The following POLR1C variants were observed in gnomAD, a reference collection of about 807,000 sequenced individuals.
The protein encoded by POLR1C is RNA polymerase I and III subunit C, also known as DNA-directed RNA polymerases I and III subunit RPAC1.
Under a neutral mutation model 38.3 loss-of-function variants are expected in POLR1C, and 42 were observed. That is an observed-to-expected ratio of 1.10 (90% CI 0.86 to 1.42). The LOEUF is 1.42. Among genes scored for constraint, POLR1C ranks in the 40% most tolerant of loss-of-function variants. The probability of loss-of-function intolerance (pLI) is 0.00; values close to 1 mark genes in which losing one functional copy is unlikely to be tolerated. For missense variants in POLR1C, 507 were observed against 450.5 expected (o/e 1.13, Z -1.14); for synonymous variants, 163 against 163.9 (o/e 0.99, Z 0.04).
intron 9 of POLR1C, among the ~76,000 whole-genome samples, chr6:43,550,731 T>C (rs1795187227): frequency 6.6e-6 from 1 of 152,204 alleles, no homozygotes; most frequent in Non-Finnish European, 1.5e-5. Flanking sequence ...AACACAGTAT[T>C]CCAAAATACT....
intron 9 of POLR1C, among the ~76,000 whole-genome samples, chr6:43,543,585 T>C (rs958504432): frequency 7.3e-5 from 11 of 151,650 alleles, no homozygotes; most frequent in Middle Eastern, 3.2e-3. Flanking sequence ...TACATGAATG[T>C]GTCCACTTTG....
At chr6:43,555,670 C>T in intron 10 of POLR1C, 1 of 712,346 alleles carries the variant, frequency 1.4e-6, no homozygotes. Context: ...CATCTGCTTT[C>T]TTTGTGTCAG....
chr6:43,556,948 T>A (rs1320372618), intron 10 of POLR1C, among the ~76,000 whole-genome samples: 2 of 151,672 alleles, frequency 1.3e-5, no homozygotes, highest in African/African-American at 4.8e-5. Context: ...GCCAACATGA[T>A]GAAACCCAGT....
Position 43,520,723 on chromosome 6 carries a change from G to A in POLR1C, c.754G>A (p.Glu252Lys). The A allele has an allele frequency of 6.2e-7, 1 of 1,614,192 alleles. No homozygotes were observed. Among genetic ancestry groups the A allele is most frequent in the South Asian group, 1.1e-5 (1 of 91,086 alleles). ...GCCCGTGGAAGGGGAGGCAGCTGAG[G>A]AGTTGAGCAGGTGCTTCTCACCTGG... is the stretch of plus-strand genomic sequence containing the variant. ...LEPVEGEAAE[E>K]LSRCFSPGVI... The change falls in exon 7 of 9, where the codon GAG becomes AAG. Residue 252 changes from glutamate to lysine, a missense_variant. Glu to Lys is a moderately conservative substitution (Grantham distance 56, BLOSUM62 1). Transcript: ENST00000642195.
At chr6:43,527,281 CT>C (rs375730347) in intron 8 of POLR1C, 77 of 210,984 alleles carry the variant, frequency 3.6e-4, no homozygotes, top group South Asian at 8.6e-4. Flanking sequence ...CAAACATGAA[CT>C]TTTTTTTTGA....
Position 43,520,337 on chromosome 6 carries a change from A to G in POLR1C, c.565A>G (p.Thr189Ala), listed in dbSNP as rs748702626. 1 of 1,613,512 alleles carries G rather than the reference A, an allele frequency of 6.2e-7. No individual in the cohort carries two copies. The highest frequency in any genetic ancestry group is 1.7e-5 in the Admixed American group (1 of 60,024). ...CCAGGCTGATCTCTTTCCAGAGGGC[A>G]CTATCCGACCAGTGCATGATGATAT... The part of the protein sequence containing the change: ...GNQADLFPEG[T>A]IRPVHDDILI... Residue 189 changes from threonine (T) to alanine (A), a missense_variant, in exon 6 of 9, where the codon ACT (threonine) becomes GCT (alanine). Coordinates refer to ENST00000642195, the MANE Select transcript of POLR1C (RefSeq NM_203290.4).
chr6:43,522,335 T>A (rs540714837), downstream of POLR1C: 3 of 153,422 alleles, frequency 2.0e-5, no homozygotes, highest in South Asian at 6.0e-4. Flanking sequence ...ATGGGTCCCT[T>A]TCTGTACGAA....
At chr6:43,547,792 A>C in intron 9 of POLR1C, 1 of 1,226,828 alleles carries the variant, frequency 8.2e-7, no homozygotes, top group South Asian at 1.3e-5. Flanking sequence ...GGCTATCATT[A>C]TTTGGCCCTT....
chr6:43,531,627 A>G (rs1479811686), downstream of POLR1C: 34 of 1,466,806 alleles, frequency 2.3e-5, no homozygotes, highest in South Asian at 3.4e-5. Flanking sequence ...AGGAGTCTCA[A>G]TTGGCCAACA....
intron 9 of POLR1C, chr6:43,547,531 A>G: frequency 1.5e-6 from 2 of 1,368,046 alleles, no homozygotes; most frequent in South Asian, 1.2e-5. Context: ...AAACAAATCT[A>G]TGAGAAACTT....
At chr6:43,551,558 T>C (rs1292843710) in intron 10 of POLR1C, 1 of 1,393,900 alleles carries the variant, frequency 7.2e-7, no homozygotes, top group Non-Finnish European at 9.9e-7. Flanking sequence ...GGTCTCATTC[T>C]GTCACCTAGG....
At chr6:43,558,937 G>A (rs1012946007) in intron 10 of POLR1C, 3 of 193,214 alleles carry the variant, frequency 1.6e-5, no homozygotes, top group African/African-American at 7.0e-5. Flanking sequence ...ACTGAACACT[G>A]AGAATAAACT....
At position 43,520,418 on chromosome 6, in the gene POLR1C, A is replaced by T; in HGVS notation, c.646A>T (p.Lys216Ter). Residue 216 changes from lysine (K) to a stop codon, truncating the protein, a stop_gained, in exon 6 of 9, where the codon AAG (lysine) becomes TAG (stop). Coordinates refer to ENST00000642195, the MANE Select transcript of POLR1C (RefSeq NM_203290.4). LOFTEE classifies it high-confidence loss of function. ...QEIDLLMHCVKGIGKDHAKFS... is the reference protein window; with the variant it reads ...QEIDLLMHCV The stretch of plus-strand genomic sequence containing the variant: ...AATTGACCTGCTCATGCACTGTGTC[A>T]AGGGCATTGGTGAGAACCCTGTGTG... 2 of 1,613,552 alleles carry T rather than the reference A, an allele frequency of 1.2e-6. No homozygotes were observed. Among genetic ancestry groups the T allele is most frequent in the Non-Finnish European group, 1.7e-6 (2 of 1,180,010 alleles).
chr6:43,523,645 T>A (rs550613202), downstream of POLR1C: 6 of 806,170 alleles, frequency 7.4e-6, no homozygotes, highest in Non-Finnish European at 1.3e-5. Flanking sequence ...ATCTGGGACA[T>A]CTAGACAGAA....
chr6:43,557,042 C>A (rs1762126321), intron 10 of POLR1C, among the ~76,000 whole-genome samples: 1 of 150,864 alleles, frequency 6.6e-6, no homozygotes, highest in African/African-American at 2.4e-5. Context: ...GCAGAAAAAT[C>A]GCTTGAACCT....
chr6:43,546,413 AT>A (rs951014338), intron 9 of POLR1C, among the ~76,000 whole-genome samples: 7 of 152,090 alleles, frequency 4.6e-5, no homozygotes, highest in Admixed American at 1.3e-4. Flanking sequence ...AGCTGATGTT[AT>A]TTTTTTTAAA....
chr6:43,553,430 G>C lies in POLR1C; in HGVS notation c.*48+2419G>C, dbSNP rs1327058356. 2 of 1,602,278 alleles carry C rather than the reference G, an allele frequency of 1.2e-6. No homozygotes were observed. The highest frequency in any genetic ancestry group is 3.4e-5 in the Admixed American group (2 of 58,088). ...TAACACTTTCCAAAAAAAGAGTCAT[G>C]GCTTCCCACTGCACGAATGAAGGTG... On this transcript the variant is annotated intron_variant, in intron 10 of 10. Coordinates refer to the POLR1C transcript ENST00000607635.
At chr6:43,559,214 T>G (rs1762273867) in intron 10 of POLR1C, among the ~76,000 whole-genome samples, 1 of 152,136 alleles carries the variant, frequency 6.6e-6, no homozygotes, top group Admixed American at 6.5e-5. Context: ...GGAGAATTGC[T>G]TGAACCCAGG....
chr6:43,517,338 C>T lies in POLR1C; in HGVS notation c.102C>T (p.Ser34=). 1 of 1,614,042 alleles carries T rather than the reference C, an allele frequency of 6.2e-7. No individual in the cohort carries two copies. Among genetic ancestry groups the T allele is most frequent in the Non-Finnish European group, 8.5e-7 (1 of 1,180,002 alleles). The change falls in exon 2 of 9, where the codon TCC becomes TCT. Residue 34 remains serine, a synonymous_variant. Transcript: ENST00000642195. ...CTACTGACTTTCCCGGTAACTATTC[C>T]GGTTATGATGATGCCTGGGACCAGG... ...VHTTDFPGNY[S]GYDDAWDQDR... is the part of the protein sequence containing the mutation.
Sources: gnomAD v4.1 joint callset for allele counts (sites outside exome capture counted in the v4.1 genomes callset) on GRCh38, gnomAD v4.1.1 for gene constraint, MANE v1.5 for transcripts, NCBI Gene and HGNC (gene_info 2026-07-23, HGNC 2026-07-21) for gene names.